The following PTPRN2 variants were observed in gnomAD, a reference collection of about 807,000 sequenced individuals.
PTPRN2 encodes protein tyrosine phosphatase receptor type N2.
A neutral mutation model predicts 118.8 loss-of-function variants in PTPRN2; 74 were observed. The ratio of observed to expected loss-of-function variants is 0.62; its 90% CI spans 0.52 to 0.76. PTPRN2 has a LOEUF of 0.76. PTPRN2 is among the 30% of genes least tolerant of loss of function. The pLI, the probability that PTPRN2 is intolerant of heterozygous loss-of-function variation, is 0.00. For synonymous variants in PTPRN2, 641 were observed against 608.0 expected (o/e 1.05, Z -0.80); for missense variants, 1,481 against 1,394.4 (o/e 1.06, Z -0.99).
intron 1 of PTPRN2, among the ~76,000 whole-genome samples, chr7:158,495,507 G>C (rs576668538): frequency 1.3e-5 from 2 of 152,040 alleles, no homozygotes; most frequent in African/African-American, 4.8e-5. Flanking sequence ...AGAGTGAAGC[G>C]CCTGCCTGCT....
At chr7:158,304,458 T>C (rs748434885) in intron 3 of PTPRN2, among the ~76,000 whole-genome samples, 2 of 147,518 alleles carry the variant, frequency 1.4e-5, no homozygotes, top group Non-Finnish European at 3.0e-5. Flanking sequence ...CACCCGTCAA[T>C]ACACTAAGAT....
At chr7:158,037,090 C>G (rs1205005742) in intron 11 of PTPRN2, among the ~76,000 whole-genome samples, 1 of 152,136 alleles carries the variant, frequency 6.6e-6, no homozygotes, top group Non-Finnish European at 1.5e-5. Context: ...CAGCAACAAC[C>G]AATTATATAA....
chr7:157,708,843 G>A (rs1199279119), intron 12 of PTPRN2, among the ~76,000 whole-genome samples: 1 of 152,168 alleles, frequency 6.6e-6, no homozygotes, highest in Non-Finnish European at 1.5e-5. Flanking sequence ...ACATGAGATG[G>A]TCATAGTCAC....
rs1472793543 is a variant in PTPRN2 at position 157,560,426 on chromosome 7, C to G, written c.2902+8476G>C. Among the ~76,000 whole-genome samples, 2 of 152,186 alleles carry G rather than the reference C, an allele frequency of 1.3e-5. No individual in the cohort carries two copies. The highest frequency in any genetic ancestry group is 2.4e-5 in the African/African-American group (1 of 41,432). On this transcript the variant is annotated intron_variant, in intron 21 of 22. Coordinates refer to ENST00000389418, the MANE Select transcript of PTPRN2 (RefSeq NM_002847.5). The surrounding 1 kb of genome is among the most constrained non-coding windows in gnomAD (Gnocchi z 6.7). ...CACGCTCCCACCAGGCGATCGACAC[C>G]AGGGTCCGCCTGTGCCCTGCCTGGG...
chr7:158,400,839 G>A (rs1265176387), intron 2 of PTPRN2, among the ~76,000 whole-genome samples: 1 of 152,062 alleles, frequency 6.6e-6, no homozygotes, highest in Non-Finnish European at 1.5e-5. Context: ...GGATCCTCAG[G>A]ACACGTCCTG....
At chr7:157,892,282 AAATT>A (rs1275655808) in intron 12 of PTPRN2, among the ~76,000 whole-genome samples, 19 of 152,376 alleles carry the variant, frequency 1.2e-4, no homozygotes, top group African/African-American at 4.6e-4. Flanking sequence ...GCCTTTATCC[AAATT>A]ATTTTTCTTC....
chr7:157,958,968 T>A (rs1182178377), intron 11 of PTPRN2, among the ~76,000 whole-genome samples: 1 of 152,226 alleles, frequency 6.6e-6, no homozygotes, highest in African/African-American at 2.4e-5. Context: ...ACTGGAAGAC[T>A]TGCTGATTTA....
chr7:157,684,024 C>T (rs1797041379), intron 12 of PTPRN2, among the ~76,000 whole-genome samples: 1 of 152,154 alleles, frequency 6.6e-6, no homozygotes, highest in Non-Finnish European at 1.5e-5. Flanking sequence ...TAGTAATTTT[C>T]TGCTCCGTAT....
chr7:157,563,088 A>G (rs1289465406), intron 21 of PTPRN2, among the ~76,000 whole-genome samples: 5 of 105,664 alleles, frequency 4.7e-5, no homozygotes, highest in African/African-American at 8.0e-5. Flanking sequence ...ACGTGCTCCC[A>G]CGTCACCACA....
intron 17 of PTPRN2, among the ~76,000 whole-genome samples, chr7:157,581,276 C>T (rs911090799): frequency 2.0e-5 from 3 of 152,256 alleles, no homozygotes; most frequent in Admixed American, 1.3e-4. Flanking sequence ...GCTGGCACCA[C>T]GCTTTGGAGG....
rs187356592 is a variant in PTPRN2, at chr7:158,086,997, G to A, written c.1644-5620C>T. On this transcript the variant is annotated intron_variant, in intron 10 of 22. Coordinates refer to ENST00000389418, the MANE Select transcript of PTPRN2 (RefSeq NM_002847.5). ...TTTAACCGCCACTTCCTCGCGGGGC[G>A]ATTTTGCACATTACATTATTTACCC... Among the ~76,000 whole-genome samples the A allele has an allele frequency of 3.9e-5, 6 of 152,256 alleles. No homozygotes were observed. In the East Asian group the frequency reaches 5.8e-4, roughly 15 times the overall value.
At chr7:158,548,716 T>C (rs756170063) in intron 1 of PTPRN2, among the ~76,000 whole-genome samples, 1 of 152,194 alleles carries the variant, frequency 6.6e-6, no homozygotes, top group Non-Finnish European at 1.5e-5. Flanking sequence ...GTTCTCCGTG[T>C]GACTTCACAC....
intron 11 of PTPRN2, among the ~76,000 whole-genome samples, chr7:158,033,911 T>G (rs577646495): frequency 6.8e-6 from 1 of 147,886 alleles, no homozygotes; most frequent in African/African-American, 2.5e-5. Flanking sequence ...AAACTCTGCA[T>G]GCTGAGGCCC....
At chr7:158,522,476 A>G (rs4480057) in intron 1 of PTPRN2, among the ~76,000 whole-genome samples, 14,325 of 109,296 alleles carry the variant, frequency 0.13, 2,451 homozygotes, top group East Asian at 0.39. Flanking sequence ...CCACGTCAGA[A>G]TGGTGGACTG....
intron 1 of PTPRN2, among the ~76,000 whole-genome samples, chr7:158,578,282 CTT>C (rs35928034): frequency 2.8e-5 from 4 of 143,418 alleles, no homozygotes; most frequent in Non-Finnish European, 1.5e-5. Context: ...TTTAAGTCAC[CTT>C]TTTTTTTTTT....
intron 11 of PTPRN2, among the ~76,000 whole-genome samples, chr7:158,007,528 C>T (rs374563314): frequency 6.6e-6 from 1 of 152,148 alleles, no homozygotes; most frequent in Non-Finnish European, 1.5e-5. Flanking sequence ...CAGGGCACCT[C>T]CCACAGGGAG....
chr7:158,081,419 G>A (rs752139081), intron 10 of PTPRN2, 42 bp from the exon 11 acceptor site: 15 of 1,558,052 alleles, frequency 9.6e-6, no homozygotes, highest in Middle Eastern at 1.7e-4. Context: ...CGAAGTCTAC[G>A]CGCCACACCG....
chr7:158,418,060 A>C (rs1278470069), intron 2 of PTPRN2, among the ~76,000 whole-genome samples: 1 of 150,056 alleles, frequency 6.7e-6, no homozygotes, highest in East Asian at 2.0e-4. Context: ...GGTGTACTAC[A>C]TCGAGATGCT....
chr7:157,703,719 C>T (rs905820278), intron 12 of PTPRN2, among the ~76,000 whole-genome samples: 1 of 152,146 alleles, frequency 6.6e-6, no homozygotes, highest in African/African-American at 2.4e-5. Context: ...ACCCCCACCT[C>T]AGCACGCTCC....
Sources: allele counts gnomAD v4.1 joint callset (sites outside exome capture counted in the v4.1 genomes callset), GRCh38; gene constraint gnomAD v4.1.1; non-coding constraint Gnocchi (gnomAD v3.1); transcripts MANE v1.5; gene names NCBI Gene and HGNC (gene_info 2026-07-23, HGNC 2026-07-21).